The following PHLPP1 variants were observed in gnomAD, a reference collection of about 807,000 sequenced individuals.
PHLPP1 encodes PH domain leucine-rich repeat-containing protein phosphatase 1.
Under a neutral mutation model 117.2 loss-of-function variants are expected in PHLPP1, and 42 were observed. The ratio of observed to expected loss-of-function variants is 0.36; its 90% CI spans 0.28 to 0.46. PHLPP1 has a LOEUF of 0.46. PHLPP1 is among the 20% of genes least tolerant of loss of function. The pLI, the probability that PHLPP1 is intolerant of heterozygous loss-of-function variation, is 1.00. For synonymous variants in PHLPP1, 1,042 were observed against 970.7 expected, an observed-to-expected ratio of 1.07 and a Z score of -1.37; for missense variants, 2,084 against 2,241.9, an observed-to-expected ratio of 0.93 and a Z score of 1.42.
At chr18:62,845,862 T>A (rs1156745305) in intron 3 of PHLPP1, among the ~76,000 whole-genome samples, 2 of 152,182 alleles carry the variant, frequency 1.3e-5, no homozygotes, top group Non-Finnish European at 2.9e-5. Context: ...TACACCCATT[T>A]TTTTGGATGA....
At chr18:62,737,135 G>A (rs1486668581) in intron 1 of PHLPP1, among the ~76,000 whole-genome samples, 3 of 152,178 alleles carry the variant, frequency 2.0e-5, no homozygotes, top group Admixed American at 6.5e-5. Flanking sequence ...CAGCTCCCTG[G>A]AAGTAGAATC....
chr18:62,763,758 C>T (rs562772579), intron 1 of PHLPP1, among the ~76,000 whole-genome samples: 31 of 152,164 alleles, frequency 2.0e-4, no homozygotes, highest in Non-Finnish European at 4.0e-4. Flanking sequence ...TGACATCATA[C>T]CTCTGTCTTC....
chr18:62,768,770 C>A (rs1258568488), intron 1 of PHLPP1, among the ~76,000 whole-genome samples: 1 of 151,844 alleles, frequency 6.6e-6, no homozygotes, highest in African/African-American at 2.4e-5. Context: ...GATTACCTAA[C>A]AATGAAAAAG....
At chr18:62,796,910 C>T (rs1163751116) in intron 1 of PHLPP1, among the ~76,000 whole-genome samples, 2 of 152,166 alleles carry the variant, frequency 1.3e-5, no homozygotes. Flanking sequence ...ATCTGGATTG[C>T]TAATTTTTTG....
At chr18:62,730,505 G>GA (rs568424126) in intron 1 of PHLPP1, among the ~76,000 whole-genome samples, 11 of 150,218 alleles carry the variant, frequency 7.3e-5, no homozygotes, top group Non-Finnish European at 1.5e-4. Context: ...GAGAGAGAGA[G>GA]AAAAAAAAAG....
At chr18:62,740,442 A>ACTT (rs1911491354) in intron 1 of PHLPP1, among the ~76,000 whole-genome samples, 2 of 152,340 alleles carry the variant, frequency 1.3e-5, no homozygotes, top group Admixed American at 1.3e-4. Context: ...TATAAAGTGA[A>ACTT]CATAAAGACA....
At chr18:62,881,192 TATG>T (rs1355651089) in intron 4 of PHLPP1, among the ~76,000 whole-genome samples, 1 of 152,180 alleles carries the variant, frequency 6.6e-6, no homozygotes, top group Non-Finnish European at 1.5e-5. Flanking sequence ...TGCAGTGAGC[TATG>T]ATCACACCAC....
chr18:62,771,556 C>T (rs528734259), intron 1 of PHLPP1, among the ~76,000 whole-genome samples: 3 of 152,254 alleles, frequency 2.0e-5, no homozygotes, highest in South Asian at 2.1e-4. Flanking sequence ...TTCACCCATC[C>T]GTACACTGAT....
intron 4 of PHLPP1, among the ~76,000 whole-genome samples, chr18:62,886,980 T>G (rs1405420230): frequency 6.6e-6 from 1 of 152,178 alleles, no homozygotes; most frequent in Admixed American, 6.5e-5. Flanking sequence ...TTGAGTAGTT[T>G]GGGAGCACTG....
intron 1 of PHLPP1, among the ~76,000 whole-genome samples, chr18:62,800,699 G>A (rs1463945477): frequency 1.3e-5 from 2 of 152,006 alleles, no homozygotes; most frequent in African/African-American, 2.4e-5. Context: ...GTTGTTTAGC[G>A]AGTTTCTGCT....
intron 12 of PHLPP1, among the ~76,000 whole-genome samples, chr18:62,945,858 T>C (rs1018128996): frequency 2.0e-5 from 3 of 152,222 alleles, no homozygotes; most frequent in Non-Finnish European, 4.4e-5. Context: ...TCTGTGTAAA[T>C]TAAGACAGCA....
At chr18:62,903,206 C>A in intron 7 of PHLPP1, 40 bp downstream of exon 7, 3 of 1,325,752 alleles carry the variant, frequency 2.3e-6, no homozygotes, top group South Asian at 1.2e-5. Context: ...TCTTTTGGTT[C>A]CAGGAATTTA....
intron 1 of PHLPP1, among the ~76,000 whole-genome samples, chr18:62,788,145 C>T (rs1913351152): frequency 6.6e-6 from 1 of 152,224 alleles, no homozygotes; most frequent in South Asian, 2.1e-4. Context: ...TGAGGCGCAG[C>T]AGAGAGGCCC....
Position 62,978,791 on chromosome 18 carries a change from A to C in PHLPP1, c.4514A>C (p.Glu1505Ala). 6.2e-7 allele frequency: 1 copy of C among 1,612,544 alleles called. No homozygotes were observed. Among genetic ancestry groups the C allele is most frequent in the Non-Finnish European group, 8.5e-7 (1 of 1,179,446 alleles). ...GAGCCCCCGCCCGGAGCCCTAAGCGAGAACAGCCCTGCCTACCCCAGTGAG... is the reference window on the plus strand; with the variant it reads ...GAGCCCCCGCCCGGAGCCCTAAGCGCGAACAGCCCTGCCTACCCCAGTGAG... ...SDEPPPGALSENSPAYPSEQR... is the reference protein window; with the variant it reads ...SDEPPPGALSANSPAYPSEQR... The change falls in exon 17 of 17, where the codon GAG (glutamate) becomes GCG (alanine). Residue 1505 changes from glutamate to alanine, a missense_variant. Physicochemically the swap from Glu to Ala is moderately radical, Grantham distance 107. This residue lies in a region of PHLPP1 where 1,365 missense variants were observed against 1,605.9 expected (regional missense o/e 0.85). Transcript: ENST00000262719. This position sits in a 1 kb window ranked among gnomAD's most constrained non-coding sequence, Gnocchi z 7.0.
Position 62,767,063 on chromosome 18 carries a change from A to G in PHLPP1, c.1576+49804A>G, listed in dbSNP as rs186696425. On this transcript the variant is annotated intron_variant, in intron 1 of 16. Coordinates refer to ENST00000262719, the MANE Select transcript of PHLPP1 (RefSeq NM_194449.4). ...TCCTGCCAGATCCTTGGATTACAAG[A>G]AATGGTGGAGGGGGTGGCAGTGAGT... Among the ~76,000 whole-genome samples, 572 of 152,334 alleles carry G rather than the reference A, an allele frequency of 3.8e-3. 3 individuals are homozygous for G. Among genetic ancestry groups the G allele is most frequent in the Non-Finnish European group, 6.8e-3 (464 of 68,028 alleles).
chr18:62,766,076 A>AAATAT lies in PHLPP1; in HGVS notation c.1576+48818_1576+48819insATATA. ...ACTCCATCTCAAAAAAAAAAAAAAA[A>AAATAT]ATATATATATATATATATATATATA... On this transcript the variant is annotated intron_variant, in intron 1 of 16. Transcript: ENST00000262719. Among the ~76,000 whole-genome samples, 76 of 21,664 alleles carry AAATAT rather than the reference A, an allele frequency of 3.5e-3. 5 individuals carry two copies. The highest frequency in any genetic ancestry group is 0.021 in the South Asian group (9 of 434). The allele number at this position is 21,664 out of a possible 152,430, so 14.2% of individuals were successfully genotyped here.
chr18:62,799,579 A>G (rs1193746706), intron 1 of PHLPP1, among the ~76,000 whole-genome samples: 1 of 152,240 alleles, frequency 6.6e-6, no homozygotes, highest in Non-Finnish European at 1.5e-5. Flanking sequence ...TGGAATAGAA[A>G]GAATGATAGT....
At chr18:62,822,079 C>T (rs1280790604) in intron 1 of PHLPP1, among the ~76,000 whole-genome samples, 3 of 152,030 alleles carry the variant, frequency 2.0e-5, no homozygotes, top group Admixed American at 2.0e-4. Flanking sequence ...GGCTATGGAC[C>T]AGGACCCTGT....
At chr18:62,919,879 A>G (rs879242827) in intron 9 of PHLPP1, 80 bp from the exon 10 acceptor site, 1 of 984,152 alleles carries the variant, frequency 1.0e-6, no homozygotes, top group South Asian at 1.5e-5. Flanking sequence ...GCTCCAAGTG[A>G]ATTTGTGATT....
Sources: gnomAD v4.1 joint callset for allele counts (sites outside exome capture counted in the v4.1 genomes callset) on GRCh38, gnomAD v4.1.1 for gene constraint, gnomAD v4.1.1 regional missense constraint, Gnocchi (gnomAD v3.1) non-coding constraint, MANE v1.5 for transcripts, NCBI Gene and HGNC (gene_info 2026-07-23, HGNC 2026-07-21) for gene names.